FNDC1: variants seen among roughly 807,000 people sequenced by gnomAD.
The protein encoded by FNDC1 is fibronectin type III domain-containing protein 1.
Under a neutral mutation model 168.0 loss-of-function variants are expected in FNDC1, and 96 were observed. That is an observed-to-expected ratio of 0.57 (90% CI 0.48 to 0.68). FNDC1 has a LOEUF of 0.68. Ranked by LOEUF, FNDC1 falls within the 30% of genes least tolerant of loss-of-function variation. The pLI is 0.00. For synonymous variants in FNDC1, 1,099 were observed against 1,025.9 expected (o/e 1.07, Z -1.36); for missense variants, 2,587 against 2,482.1 (o/e 1.04, Z -0.90).
At chr6:159,261,096 TCA>T in intron 18 of FNDC1, 92 bp from the exon 19 acceptor site, 1 of 887,380 alleles carries the variant, frequency 1.1e-6, no homozygotes, top group Non-Finnish European at 1.8e-6. Flanking sequence ...TCAAAGCCTG[TCA>T]CGGTTCAGGT....
intron 1 of FNDC1, among the ~76,000 whole-genome samples, chr6:159,179,967 G>A (rs773367812): frequency 6.6e-6 from 1 of 152,240 alleles, no homozygotes; most frequent in Non-Finnish European, 1.5e-5. Flanking sequence ...GCGTTAGTGA[G>A]AGAGTTGCTT....
chr6:159,226,418 A>G (rs1782955731), intron 8 of FNDC1, 55 bp from the exon 9 acceptor site: 2 of 1,377,092 alleles, frequency 1.5e-6, no homozygotes, highest in Non-Finnish European at 2.0e-6. Context: ...TGCTATTTAC[A>G]TCTAGAATGT....
chr6:159,175,886 A>G (rs1315636004), intron 1 of FNDC1, among the ~76,000 whole-genome samples: 1 of 152,246 alleles, frequency 6.6e-6, no homozygotes, highest in African/African-American at 2.4e-5. Flanking sequence ...TTGTGCTAAG[A>G]CACTCAGTTT....
chr6:159,187,211 T>G (rs1052655842), intron 1 of FNDC1, among the ~76,000 whole-genome samples: 1 of 152,116 alleles, frequency 6.6e-6, no homozygotes, highest in African/African-American at 2.4e-5. Flanking sequence ...TCCAGTAAGT[T>G]AGAGTTTCAT....
At chr6:159,237,724 T>TA (rs1783296291) in intron 12 of FNDC1, among the ~76,000 whole-genome samples, 1 of 152,248 alleles carries the variant, frequency 6.6e-6, no homozygotes. Flanking sequence ...TCACCCAAAC[T>TA]ACTTCTCAAA....
chr6:159,199,904 T>C (rs779362527), intron 2 of FNDC1, 92 bp from the exon 3 acceptor site: 7 of 1,047,940 alleles, frequency 6.7e-6, no homozygotes, highest in Non-Finnish European at 1.0e-5. Flanking sequence ...TTATAACTGG[T>C]ATAAGGAAGA....
chr6:159,200,511 A>G lies in FNDC1; in HGVS notation c.392-2A>G. 6.3e-7 allele frequency: 1 copy of G among 1,596,082 alleles called. No individual in the cohort carries two copies. Among genetic ancestry groups the G allele is most frequent in the Admixed American group, 1.7e-5 (1 of 57,844 alleles). On this transcript the variant is annotated splice_acceptor_variant, in intron 3 of 22. Coordinates refer to ENST00000297267, the MANE Select transcript of FNDC1 (RefSeq NM_032532.3). LOFTEE classifies it high-confidence loss of function. ...CTATCAAGTTGCATTTCCCTAATTT[A>G]GGAGGTGAATGGATCGAGATTGATG...
chr6:159,187,547 C>T (rs1008847017), intron 1 of FNDC1, among the ~76,000 whole-genome samples: 2 of 152,050 alleles, frequency 1.3e-5, no homozygotes, highest in African/African-American at 4.8e-5. Context: ...AGAAGGGGAC[C>T]CAGGGGGTTC....
Position 159,197,482 on chromosome 6 carries a change from G to T in FNDC1, c.161G>T (p.Gly54Val). ...GTGAAACTGCTGTCCACTAAAATGG[G>T]CCTGAAAGTCACGTGGGACCCACCC... Reference protein sequence around the residue: ...RHVKLLSTKMGLKVTWDPPKD... With the variant: ...RHVKLLSTKMVLKVTWDPPKD... The change falls in exon 2 of 23, where the codon GGC becomes GTC. Residue 54 changes from glycine to valine, a missense_variant. Gly to Val is a moderately radical substitution (Grantham distance 109). Transcript: ENST00000297267. The T allele has an allele frequency of 8.1e-6, 13 of 1,613,846 alleles. No individual in the cohort carries two copies. The highest frequency in any genetic ancestry group is 1.1e-5 in the Non-Finnish European group (13 of 1,179,818).
intron 1 of FNDC1, among the ~76,000 whole-genome samples, chr6:159,181,567 A>G (rs73591238): frequency 1.2e-3 from 183 of 152,354 alleles, no homozygotes; most frequent in African/African-American, 4.3e-3. Context: ...ATATAGGATC[A>G]TCTTGGACTT....
At chr6:159,217,102 C>T (rs1292569089) in intron 5 of FNDC1, among the ~76,000 whole-genome samples, 3 of 152,334 alleles carry the variant, frequency 2.0e-5, no homozygotes, top group Admixed American at 6.5e-5. Context: ...CATTGCGTGG[C>T]ACCTACTTAG....
intron 17 of FNDC1, among the ~76,000 whole-genome samples, chr6:159,255,416 G>A (rs1191935674): frequency 6.6e-6 from 1 of 152,054 alleles, no homozygotes; most frequent in Admixed American, 6.6e-5. Context: ...TCCATGGTGG[G>A]CCAGCTCCCG....
At chr6:159,252,859 C>T (rs150070506) in intron 17 of FNDC1, among the ~76,000 whole-genome samples, 32 of 152,346 alleles carry the variant, frequency 2.1e-4, no homozygotes, top group Middle Eastern at 3.4e-3. Flanking sequence ...TATATCACTG[C>T]GCCCTGATTC....
intron 14 of FNDC1, among the ~76,000 whole-genome samples, chr6:159,244,677 A>C (rs1783501915): frequency 1.3e-5 from 2 of 152,242 alleles, no homozygotes; most frequent in African/African-American, 2.4e-5. Flanking sequence ...TTAATAGAGC[A>C]TCTTCATATT....
chr6:159,212,890 AG>A (rs1351115668), intron 4 of FNDC1, among the ~76,000 whole-genome samples: 1 of 152,198 alleles, frequency 6.6e-6, no homozygotes, highest in Non-Finnish European at 1.5e-5. Flanking sequence ...CATCATGGAA[AG>A]GGGATGAAAC....
intron 22 of FNDC1, among the ~76,000 whole-genome samples, chr6:159,268,432 G>A (rs182045257): frequency 7.2e-5 from 11 of 152,258 alleles, no homozygotes; most frequent in Non-Finnish European, 1.5e-5. Context: ...TCGAAAAAAT[G>A]CTGTAGGTAG....
At position 159,266,122 on chromosome 6, in the gene FNDC1, G is replaced by T. The variant is rs1260634371; in HGVS notation, c.5323G>T (p.Asp1775Tyr). 3.7e-6 allele frequency: 6 copies of T among 1,613,802 alleles called. No individual in the cohort carries two copies. The Admixed American group carries it at 8.3e-5, about 22-fold the overall frequency. The stretch of plus-strand genomic sequence containing the variant: ...CTGGATCCCATTCGCTTTCAAACAT[G>T]ATCCCAGCTACACGGACTGCCATGG... ...PIWIPFAFKH[D>Y]PSYTDCHGRQ... The change falls in exon 21 of 23, where the codon GAT becomes TAT. Residue 1775 changes from aspartate to tyrosine, a missense_variant. Transcript: ENST00000297267.
At chr6:159,251,235 GATGCT>G (rs1777252875) in intron 16 of FNDC1, 62 bp from the exon 17 acceptor site, 1 of 1,198,206 alleles carries the variant, frequency 8.3e-7, no homozygotes, top group Non-Finnish European at 1.2e-6. Flanking sequence ...CTGTGGAACA[GATGCT>G]ATGTTTCTGC....
chr6:159,233,104 C>T lies in FNDC1; in HGVS notation c.2592C>T (p.His864=), dbSNP rs767696851. 2.6e-5 allele frequency: 42 copies of T among 1,603,036 alleles called. 1 individual carries two copies. In the South Asian group the frequency reaches 4.5e-4, roughly 17 times the overall value. ...PSRAHPRVPS[H]SDSHPKLSSG... ...GAGCCCACCCCAGGGTTCCCTCTCA[C>T]TCTGATTCCCACCCTAAGCTTAGCT... The change falls in exon 11 of 23, where the codon CAC becomes CAT. Residue 864 remains histidine (H), a synonymous_variant. Transcript: ENST00000297267. The surrounding 1 kb of genome is among the most constrained non-coding windows in gnomAD (Gnocchi z 4.6).
Sources: allele counts gnomAD v4.1 joint callset (sites outside exome capture counted in the v4.1 genomes callset), GRCh38; gene constraint gnomAD v4.1.1; non-coding constraint Gnocchi (gnomAD v3.1); transcripts MANE v1.5; gene names NCBI Gene and HGNC (gene_info 2026-07-23, HGNC 2026-07-21).